Variants in YAF2 observed in about 807,000 individuals in gnomAD.
YAF2 encodes YY1 associated factor 2.
Under a neutral mutation model 20.1 loss-of-function variants are expected in YAF2, and 7 were observed. The ratio of observed to expected loss-of-function variants is 0.35; its 90% CI spans 0.20 to 0.65. The LOEUF is 0.65. Ranked by LOEUF, YAF2 falls within the 30% of genes least tolerant of loss-of-function variation. The pLI is 0.69. For missense variants in YAF2, 151 were observed against 219.2 expected (o/e 0.69, Z 1.96); for synonymous variants, 74 against 76.0 (o/e 0.97, Z 0.14).
Position 42,238,115 on chromosome 12 carries a change from C to A in YAF2, c.26+40G>T, listed in dbSNP as rs762121052. ...CCGAAGCCCTGCACGAGGGCCCTGCCGCCCGCACAGTCCGGGCCCCGGGGC... is the reference window on the plus strand; with the variant it reads ...CCGAAGCCCTGCACGAGGGCCCTGCAGCCCGCACAGTCCGGGCCCCGGGGC... On this transcript the variant is annotated intron_variant, in intron 1 of 3. Transcript: ENST00000534854. 7.4e-6 allele frequency: 11 copies of A among 1,485,624 alleles called. No individual in the cohort carries two copies. In the African/African-American group the frequency reaches 1.3e-4, roughly 18 times the overall value. 92.0% of individuals were successfully genotyped at this position (1,485,624 alleles called of 1,614,324 possible).
chr12:42,221,882 C>T (rs1297337796), intron 2 of YAF2, among the ~76,000 whole-genome samples: 2 of 152,134 alleles, frequency 1.3e-5, no homozygotes, highest in Non-Finnish European at 2.9e-5. Flanking sequence ...CAAGATCTTC[C>T]CTCTGAAGAC....
intron 2 of YAF2, among the ~76,000 whole-genome samples, chr12:42,195,504 C>A (rs1408806145): frequency 3.3e-5 from 5 of 151,976 alleles, no homozygotes; most frequent in Admixed American, 3.3e-4. Flanking sequence ...GGGACAGTCC[C>A]CTAGTACAAG....
intron 2 of YAF2, among the ~76,000 whole-genome samples, chr12:42,175,534 C>CA (rs71084621): frequency 7.0e-6 from 1 of 143,700 alleles, no homozygotes; most frequent in African/African-American, 2.6e-5. Flanking sequence ...AATTATACCT[C>CA]AAAAAAAAAA....
At chr12:42,232,448 A>C (rs1182090796) in intron 2 of YAF2, 1 of 985,432 alleles carries the variant, frequency 1.0e-6, no homozygotes, top group Non-Finnish European at 1.2e-6. Flanking sequence ...ACTAATAATC[A>C]CTTGTAAAAT....
intron 2 of YAF2, chr12:42,199,160 C>T: frequency 7.8e-7 from 1 of 1,288,932 alleles, no homozygotes; most frequent in Non-Finnish European, 1.0e-6. Context: ...AAGAGAATGA[C>T]CCAAATTTCT....
intron 2 of YAF2, among the ~76,000 whole-genome samples, chr12:42,198,945 A>G (rs2066827495): frequency 6.6e-6 from 1 of 152,222 alleles, no homozygotes; most frequent in African/African-American, 2.4e-5. Context: ...AATGTAAAAT[A>G]TACCCTGATT....
intron 2 of YAF2, among the ~76,000 whole-genome samples, chr12:42,229,796 G>A (rs181085114): frequency 2.6e-5 from 4 of 152,306 alleles, no homozygotes; most frequent in Admixed American, 2.6e-4. Flanking sequence ...ACCATGGTAA[G>A]TATTTGTATC....
intron 1 of YAF2, 197 bp from the exon 2 acceptor site, chr12:42,237,921 G>A: frequency 4.3e-6 from 2 of 464,456 alleles, no homozygotes; most frequent in Non-Finnish European, 5.8e-6. Context: ...GGCCGCAGTC[G>A]CCGCCGCCAC....
At chr12:42,197,093 T>C (rs10492387) in intron 2 of YAF2, among the ~76,000 whole-genome samples, 31,529 of 152,184 alleles carry the variant, frequency 0.21, 3,381 homozygotes, top group Admixed American at 0.25. Context: ...TTTCGAAAAT[T>C]AGTGTCATGA....
At chr12:42,171,087 G>T (rs1369771714) in intron 2 of YAF2, among the ~76,000 whole-genome samples, 1 of 151,982 alleles carries the variant, frequency 6.6e-6, no homozygotes, top group Non-Finnish European at 1.5e-5. Context: ...CCGTCTCCTG[G>T]GTTCAAGCAA....
intron 2 of YAF2, chr12:42,199,317 CAT>C (rs2066838218): frequency 1.4e-6 from 1 of 713,198 alleles, no homozygotes; most frequent in South Asian, 1.9e-5. Context: ...ATCCATCAAA[CAT>C]AATAATATAC....
chr12:42,208,953 G>C (rs988638913), intron 2 of YAF2, among the ~76,000 whole-genome samples: 1 of 152,150 alleles, frequency 6.6e-6, no homozygotes, highest in Non-Finnish European at 1.5e-5. Context: ...ACACCACTAC[G>C]AGCTCTTTAT....
intron 2 of YAF2, among the ~76,000 whole-genome samples, chr12:42,197,458 T>C (rs1287690256): frequency 1.3e-5 from 2 of 152,214 alleles, no homozygotes; most frequent in African/African-American, 4.8e-5. Flanking sequence ...TAATTCCATA[T>C]CCTGCCACTG....
chr12:42,204,161 T>C (rs712128), intron 2 of YAF2, among the ~76,000 whole-genome samples: 2,719 of 152,306 alleles, frequency 0.018, 78 homozygotes, highest in African/African-American at 0.061. Flanking sequence ...TGAAAAGCAT[T>C]GGTGACATTA....
intron 2 of YAF2, among the ~76,000 whole-genome samples, chr12:42,227,600 T>C (rs2067767173): frequency 6.8e-6 from 1 of 146,038 alleles, no homozygotes; most frequent in African/African-American, 2.6e-5. Context: ...ACCCTCTGCC[T>C]GGCAACCACC....
chr12:42,163,214 A>G (rs560717216), intron 2 of YAF2, among the ~76,000 whole-genome samples: 1 of 152,320 alleles, frequency 6.6e-6, no homozygotes, highest in South Asian at 2.1e-4. Flanking sequence ...TACTGTTACT[A>G]CTATAAGATA....
At chr12:42,202,024 T>A (rs1233889681) in intron 2 of YAF2, among the ~76,000 whole-genome samples, 1 of 152,238 alleles carries the variant, frequency 6.6e-6, no homozygotes, top group Non-Finnish European at 1.5e-5. Context: ...ACTATCCTCT[T>A]TTTAAAAAAG....
In YAF2 at chr12:42,160,702, A is replaced by C; in HGVS notation, c.430T>G (p.Ser144Ala). The C allele has an allele frequency of 6.2e-7, 1 of 1,613,806 alleles. No individual in the cohort carries two copies. The highest frequency in any genetic ancestry group is 8.5e-7 in the Non-Finnish European group (1 of 1,179,874). The part of the protein sequence containing the change: ...TKSPPASSAA[S>A]ADQHSQSGSS... Reference sequence around the variant, plus strand: ...CCGCTTTGACTGTGTTGATCTGCAGAAGCAGCACTAGATGCAGGCGGTGAC... The same window carrying C: ...CCGCTTTGACTGTGTTGATCTGCAGCAGCAGCACTAGATGCAGGCGGTGAC... Residue 144 changes from serine to alanine, a missense_variant, in exon 4 of 4, where the codon TCT becomes GCT. By Grantham distance (99) the Ser-to-Ala change is moderately conservative. Around this residue, in one of 3 missense-constraint regions of YAF2, gnomAD observed 51 missense variants for 48.9 expected, o/e 1.04. Coordinates refer to ENST00000534854, the MANE Select transcript of YAF2 (RefSeq NM_005748.6).
intron 2 of YAF2, among the ~76,000 whole-genome samples, chr12:42,225,730 G>A (rs568879034): frequency 1.6e-3 from 239 of 152,176 alleles, no homozygotes; most frequent in African/African-American, 5.5e-3. Flanking sequence ...CTGTTCTATC[G>A]GTCTATATGT....
Sources: gnomAD v4.1 joint callset for allele counts (sites outside exome capture counted in the v4.1 genomes callset) on GRCh38, gnomAD v4.1.1 for gene constraint, gnomAD v4.1.1 regional missense constraint, MANE v1.5 for transcripts, NCBI Gene and HGNC (gene_info 2026-07-23, HGNC 2026-07-21) for gene names.